Variants in BATF2 observed in about 807,000 individuals in gnomAD.
The protein encoded by BATF2 is basic leucine zipper transcriptional factor ATF-like 2.
In BATF2, 4 loss-of-function variants were observed where a neutral mutation model predicts 7.3. That is an observed-to-expected ratio of 0.55 (90% CI 0.27 to 1.26). The LOEUF is 1.26. BATF2 is among the 50% of genes most tolerant of loss of function. BATF2 has a pLI of 0.11. For missense variants in BATF2, 295 were observed against 340.5 expected (o/e 0.87, Z 1.05); for synonymous variants, 152 against 153.9 (o/e 0.99, Z 0.09).
Position 64,989,900 on chromosome 11 carries a change from T to G in BATF2, c.142-88A>C, listed in dbSNP as rs1252946639. On this transcript the variant is annotated intron_variant, in intron 2 of 2. Transcript: ENST00000301887. The surrounding 1 kb of genome is among the most constrained non-coding windows in gnomAD (Gnocchi z 4.3). ...CTTAGCCCCTTCCAGGGTCCTCAACTTCAGGAGAAAGATGCCACCACCATT... is the reference window on the plus strand; with the variant it reads ...CTTAGCCCCTTCCAGGGTCCTCAACGTCAGGAGAAAGATGCCACCACCATT... The G allele has an allele frequency of 6.7e-7, 1 of 1,497,234 alleles. No individual in the cohort carries two copies. The highest frequency in any genetic ancestry group is 2.0e-5 in the Admixed American group (1 of 51,046). 92.7% of individuals were successfully genotyped at this position (1,497,234 alleles called of 1,614,324 possible).
rs568903120 is a variant in BATF2 at position 64,988,911 on chromosome 11, G to A, written c.*218C>T. 54 of 571,090 alleles carry A rather than the reference G, an allele frequency of 9.5e-5. No individual in the cohort carries two copies. The East Asian group carries it at 1.0e-3, about 11-fold the overall frequency. 35.4% of individuals were successfully genotyped at this position (571,090 alleles called of 1,614,324 possible). ...TCTGAAAAAGTGGAGTGATAATCTC[G>A]ATTTCTCAGGTCAACTGTGAGGTTG... On this transcript the variant is annotated 3_prime_UTR_variant, in exon 3 of 3. Coordinates refer to ENST00000301887, the MANE Select transcript of BATF2 (RefSeq NM_138456.4).
Position 64,989,787 on chromosome 11 carries a change from T to C in BATF2, c.167A>G (p.Asn56Ser). 1 of 1,613,700 alleles carries C rather than the reference T, an allele frequency of 6.2e-7. No individual in the cohort carries two copies. The highest frequency in any genetic ancestry group is 8.5e-7 in the Non-Finnish European group (1 of 1,179,964). ...CTGGATCTCCTTCCGCAGGGCGAGGTTGTCTTTTTCCAGAGACTCGTGCTG... is the reference window on the plus strand; with the variant it reads ...CTGGATCTCCTTCCGCAGGGCGAGGCTGTCTTTTTCCAGAGACTCGTGCTG... Reference protein sequence around the residue: ...HQQHESLEKDNLALRKEIQSL... With the variant: ...HQQHESLEKDSLALRKEIQSL... The change falls in exon 3 of 3, where the codon AAC (asparagine) becomes AGC (serine). Residue 56 changes from asparagine (N) to serine (S), a missense_variant. By Grantham distance (46) the Asn-to-Ser change is conservative. Transcript: ENST00000301887. This position sits in a 1 kb window ranked among gnomAD's most constrained non-coding sequence, Gnocchi z 4.3.
At chr11:64,990,860 G>A (rs372681125) in intron 2 of BATF2, among the ~76,000 whole-genome samples, 3 of 151,808 alleles carry the variant, frequency 2.0e-5, no homozygotes, top group South Asian at 2.1e-4. Flanking sequence ...GCTCGATCTC[G>A]GCTCACTGCA....
chr11:64,996,811 C>T (rs1946113401), intron 1 of BATF2, 65 bp downstream of exon 1: 7 of 1,601,664 alleles, frequency 4.4e-6, no homozygotes, highest in Non-Finnish European at 6.0e-6. Flanking sequence ...CCCTCACTGC[C>T]TGGGCACTGA....
chr11:64,996,865 C>T lies in BATF2; in HGVS notation c.39+11G>A, dbSNP rs780912043. The T allele has an allele frequency of 4.3e-6, 7 of 1,611,786 alleles. No homozygotes were observed. Among genetic ancestry groups the T allele is most frequent in the African/African-American group, 4.0e-5 (3 of 74,846 alleles). Reference sequence around the variant, plus strand: ...CCTTCTCATCCCCGATCCCCAATCCCCTGTACTCACTGTCTGGGTCAGCAG... The same window carrying T: ...CCTTCTCATCCCCGATCCCCAATCCTCTGTACTCACTGTCTGGGTCAGCAG... On this transcript the variant is annotated intron_variant, in intron 1 of 2. Coordinates refer to ENST00000301887, the MANE Select transcript of BATF2 (RefSeq NM_138456.4).
At chr11:64,994,302 C>T in intron 2 of BATF2, 146 bp downstream of exon 2, 2 of 749,016 alleles carry the variant, frequency 2.7e-6, no homozygotes, top group Non-Finnish European at 4.4e-6. Flanking sequence ...ATGTCAGCCA[C>T]AGGATCCTTT....
intron 2 of BATF2, chr11:64,990,213 T>C: frequency 6.5e-7 from 1 of 1,535,662 alleles, no homozygotes; most frequent in Non-Finnish European, 8.7e-7. Flanking sequence ...GTGGTAGAAT[T>C]CCAGGCCTGT....
intron 2 of BATF2, chr11:64,990,399 C>G: frequency 7.1e-7 from 1 of 1,401,944 alleles, no homozygotes; most frequent in Non-Finnish European, 9.3e-7. Context: ...CCCGTGGCAA[C>G]CTTGATGTCA....
At position 64,989,348 on chromosome 11, in the gene BATF2, T is replaced by C. The variant is rs140401210; in HGVS notation, c.606A>G (p.Gln202=). The C allele has an allele frequency of 6.4e-7, 1 of 1,571,440 alleles. No individual in the cohort carries two copies. Among genetic ancestry groups the C allele is most frequent in the African/African-American group, 1.4e-5 (1 of 73,916 alleles). Residue 202 remains glutamine, a synonymous_variant, in exon 3 of 3, where the codon CAA becomes CAG. Transcript: ENST00000301887. The surrounding 1 kb of genome is among the most constrained non-coding windows in gnomAD (Gnocchi z 4.3). ...LSALQPSLTA[Q]TAPPQPLELE... ...GCTCGAGGGGCTGTGGAGGGGCAGT[T>C]TGGGCCGTGAGGCTGGGCTGGAGGG...
Position 64,989,074 on chromosome 11 carries a change from G to C in BATF2, c.*55C>G. 6.3e-7 allele frequency: 1 copy of C among 1,586,252 alleles called. No individual in the cohort carries two copies. ...GTAGTGAGGGAGGAGAGGCCCGTGT[G>C]CTAAGGCTGCTTCCTGAGCCCAAAG... On this transcript the variant is annotated 3_prime_UTR_variant, in exon 3 of 3. Coordinates refer to ENST00000301887, the MANE Select transcript of BATF2 (RefSeq NM_138456.4). This position sits in a 1 kb window ranked among gnomAD's most constrained non-coding sequence, Gnocchi z 4.3.
intron 1 of BATF2, among the ~76,000 whole-genome samples, chr11:64,995,255 G>A (rs538408973): frequency 1.9e-4 from 29 of 152,304 alleles, no homozygotes; most frequent in African/African-American, 3.8e-4. Flanking sequence ...CAGAGCCGGC[G>A]TGCCATAAAG....
Position 64,989,001 on chromosome 11 carries a change from G to C in BATF2, c.*128C>G, listed in dbSNP as rs111375653. 5.8e-6 allele frequency: 6 copies of C among 1,039,700 alleles called. No homozygotes were observed. The East Asian group carries it at 1.5e-4, about 26-fold the overall frequency. The allele number at this position is 1,039,700 out of a possible 1,614,324, so 64.4% of individuals were successfully genotyped here. A position where few individuals can be genotyped will look rare whatever the true frequency, so the allele number is the denominator to read the frequency against. Reference sequence around the variant, plus strand: ...AGGCATCAGTGGTGGCTTCCTTTTCGACTGTGAAATCCTGGGCCAGCTGGT... The same window carrying C: ...AGGCATCAGTGGTGGCTTCCTTTTCCACTGTGAAATCCTGGGCCAGCTGGT... On this transcript the variant is annotated 3_prime_UTR_variant, in exon 3 of 3. Transcript: ENST00000301887. The surrounding 1 kb of genome is among the most constrained non-coding windows in gnomAD (Gnocchi z 4.3).
intron 2 of BATF2, chr11:64,990,621 A>G: frequency 2.5e-5 from 25 of 1,010,344 alleles, no homozygotes; most frequent in Non-Finnish European, 2.8e-5. Flanking sequence ...GTTCTAAATA[A>G]CCATTTATGA....
chr11:64,995,564 C>A (rs775949868), intron 1 of BATF2, among the ~76,000 whole-genome samples: 70 of 152,178 alleles, frequency 4.6e-4, no homozygotes, highest in Non-Finnish European at 7.8e-4. Context: ...AGAGTGGACT[C>A]AAAGGTTGTG....
Position 64,996,793 on chromosome 11 carries a change from G to A in BATF2, c.39+83C>T, listed in dbSNP as rs1203880833. The A allele has an allele frequency of 7.1e-6, 11 of 1,552,342 alleles. No individual in the cohort carries two copies. In the Middle Eastern group the frequency reaches 5.1e-4, roughly 71 times the overall value. On this transcript the variant is annotated intron_variant, in intron 1 of 2. Coordinates refer to ENST00000301887, the MANE Select transcript of BATF2 (RefSeq NM_138456.4). ...TATAGAGCTGGGACTAGGAGCTCCC[G>A]ACTGCAGCCCTCACTGCCTGGGCAC...
At chr11:64,990,691 A>G (rs1946068749) in intron 2 of BATF2, 1 of 893,114 alleles carries the variant, frequency 1.1e-6, no homozygotes, top group Non-Finnish European at 1.3e-6. Flanking sequence ...GGGCTGAATA[A>G]ATTGAACGAC....
Position 64,989,099 on chromosome 11 carries a change from G to A in BATF2, c.*30C>T. 6.2e-7 allele frequency: 1 copy of A among 1,612,068 alleles called. No homozygotes were observed. Among genetic ancestry groups the A allele is most frequent in the Non-Finnish European group, 8.5e-7 (1 of 1,178,254 alleles). ...GCTAAGGCTGCTTCCTGAGCCCAAA[G>A]AAGGGGCCAACCCAGCTCCGAAGAC... On this transcript the variant is annotated 3_prime_UTR_variant, in exon 3 of 3. Coordinates refer to ENST00000301887, the MANE Select transcript of BATF2 (RefSeq NM_138456.4). This position sits in a 1 kb window ranked among gnomAD's most constrained non-coding sequence, Gnocchi z 4.3.
chr11:64,990,139 C>G (rs1459018452), intron 2 of BATF2: 1 of 1,535,634 alleles, frequency 6.5e-7, no homozygotes, highest in African/African-American at 1.4e-5. Flanking sequence ...CCCACAGGAG[C>G]CATTCAGCAA....
At chr11:64,992,417 A>G (rs1946084072) in intron 2 of BATF2, among the ~76,000 whole-genome samples, 1 of 151,956 alleles carries the variant, frequency 6.6e-6, no homozygotes, top group Non-Finnish European at 1.5e-5. Flanking sequence ...TATGGACTCT[A>G]TTGTGTTCCC....
Sources: allele counts gnomAD v4.1 joint callset (sites outside exome capture counted in the v4.1 genomes callset), GRCh38; gene constraint gnomAD v4.1.1; non-coding constraint Gnocchi (gnomAD v3.1); transcripts MANE v1.5; gene names NCBI Gene and HGNC (gene_info 2026-07-23, HGNC 2026-07-21).